The following WWOX variants were observed in gnomAD, a reference collection of about 807,000 sequenced individuals.
WWOX encodes WW domain containing oxidoreductase, also known as WW domain-containing oxidoreductase.
In WWOX, 69 loss-of-function variants were observed where a neutral mutation model predicts 46.2. The ratio of observed to expected loss-of-function variants is 1.49; its 90% CI spans 1.23 to 1.82. The LOEUF (loss-of-function observed/expected upper bound fraction) is 1.82, where lower values mean the gene tolerates loss of function less well. WWOX is among the 40% of genes most tolerant of loss of function. The pLI is 0.00. For missense variants in WWOX, 919 were observed against 542.6 expected (o/e 1.69, Z -6.89); for synonymous variants, 359 against 202.6 (o/e 1.77, Z -6.56).
At chr16:78,495,482 A>G (rs9931978) in intron 8 of WWOX, among the ~76,000 whole-genome samples, 137,822 of 149,044 alleles carry the variant, frequency 0.92, 64,002 homozygotes, top group Non-Finnish European at 0.97. Flanking sequence ...CAAGGTGTAG[A>G]TTTGGCTAGG....
intron 8 of WWOX, among the ~76,000 whole-genome samples, chr16:78,799,365 T>TCA (rs1350203247): frequency 6.6e-6 from 1 of 152,218 alleles, no homozygotes; most frequent in African/African-American, 2.4e-5. Context: ...CCATCTGGGT[T>TCA]AGCAAACACA....
intron 8 of WWOX, among the ~76,000 whole-genome samples, chr16:79,109,720 T>A (rs2049380453): frequency 6.6e-6 from 1 of 152,208 alleles, no homozygotes; most frequent in Non-Finnish European, 1.5e-5. Context: ...AACAACTCCT[T>A]GCTTTTTCAC....
chr16:79,013,258 C>G (rs1384861471), intron 8 of WWOX, among the ~76,000 whole-genome samples: 1 of 152,056 alleles, frequency 6.6e-6, no homozygotes, highest in Admixed American at 6.5e-5. Flanking sequence ...GAGTGAATGC[C>G]TTGCCTTTAA....
chr16:78,618,294 A>C (rs1335368968), intron 8 of WWOX, among the ~76,000 whole-genome samples: 2 of 152,224 alleles, frequency 1.3e-5, no homozygotes, highest in Non-Finnish European at 2.9e-5. Flanking sequence ...GCTGCTGTAG[A>C]AATACCACAG....
rs1426179410 is a variant in WWOX at position 78,343,055 on chromosome 16, G to C, written c.517-43805G>C. 2.5e-5 allele frequency among the ~76,000 whole-genome samples: 3 copies of C among 120,984 alleles called. 1 individual carries two copies. Among genetic ancestry groups the C allele is most frequent in the Non-Finnish European group, 5.9e-5 (3 of 50,516 alleles). 79.4% of individuals were successfully genotyped at this position (120,984 alleles called of 152,430 possible). A position where few individuals can be genotyped will look rare whatever the true frequency, so the allele number is the denominator to read the frequency against. On this transcript the variant is annotated intron_variant, in intron 5 of 8. Transcript: ENST00000566780. Reference sequence around the variant, plus strand: ...TGACGTGAACCATGGCCATCCAGTAGGCCACGCAACATTCCCACTGCCATG... The same window carrying C: ...TGACGTGAACCATGGCCATCCAGTACGCCACGCAACATTCCCACTGCCATG...
chr16:78,328,505 G>C (rs923839769), intron 5 of WWOX, among the ~76,000 whole-genome samples: 3 of 152,198 alleles, frequency 2.0e-5, no homozygotes, highest in Non-Finnish European at 4.4e-5. Flanking sequence ...GATGATAATA[G>C]AGATAATCCT....
chr16:78,583,921 C>G (rs1272232416), intron 8 of WWOX, among the ~76,000 whole-genome samples: 2 of 152,218 alleles, frequency 1.3e-5, no homozygotes, highest in Admixed American at 6.5e-5. Context: ...CCTCACAAAA[C>G]TGCTATGTGA....
chr16:78,188,018 T>TTA (rs1233414040), intron 5 of WWOX, among the ~76,000 whole-genome samples: 1 of 152,216 alleles, frequency 6.6e-6, no homozygotes, highest in Non-Finnish European at 1.5e-5. Flanking sequence ...TGTAATTCCT[T>TTA]ACTAGAGTTA....
intron 8 of WWOX, among the ~76,000 whole-genome samples, chr16:79,154,920 G>C (rs1024827246): frequency 1.3e-5 from 2 of 152,162 alleles, no homozygotes; most frequent in African/African-American, 2.4e-5. Context: ...AAAAATGAAA[G>C]AAAGAAAGAA....
intron 6 of WWOX, among the ~76,000 whole-genome samples, chr16:78,389,291 C>G (rs12930880): frequency 0.45 from 68,634 of 152,092 alleles, 19,881 homozygotes; most frequent in Non-Finnish European, 0.66. Context: ...TTTATCCACC[C>G]GTTCCTTCAC....
intron 8 of WWOX, among the ~76,000 whole-genome samples, chr16:78,921,176 A>C (rs1474392850): frequency 6.6e-6 from 1 of 152,084 alleles, no homozygotes; most frequent in African/African-American, 2.4e-5. Flanking sequence ...TTTTTCAAAC[A>C]CTGTAATGAG....
chr16:78,438,031 G>C (rs1364616963), intron 8 of WWOX, among the ~76,000 whole-genome samples: 1 of 152,096 alleles, frequency 6.6e-6, no homozygotes, highest in African/African-American at 2.4e-5. Flanking sequence ...GTGCACATAA[G>C]GGATTTTCAA....
intron 8 of WWOX, among the ~76,000 whole-genome samples, chr16:78,542,990 G>T (rs2043934632): frequency 1.3e-5 from 2 of 152,164 alleles, no homozygotes; most frequent in African/African-American, 4.8e-5. Context: ...TTCCTTTCAT[G>T]GTCTACCTGT....
chr16:78,431,337 C>G (rs1395394713), intron 7 of WWOX, among the ~76,000 whole-genome samples: 1 of 152,174 alleles, frequency 6.6e-6, no homozygotes, highest in Non-Finnish European at 1.5e-5. Flanking sequence ...GATGGTACCT[C>G]ACCAAGGTTA....
At chr16:79,025,121 T>TTTGTC in intron 8 of WWOX, among the ~76,000 whole-genome samples, 2 of 87,318 alleles carry the variant, frequency 2.3e-5, no homozygotes, top group Middle Eastern at 4.5e-3. Flanking sequence ...GTGGGCTTGT[T>TTTGTC]TTGTTTTGTT....
At chr16:78,706,170 C>T (rs796809535) in intron 8 of WWOX, among the ~76,000 whole-genome samples, 2 of 150,562 alleles carry the variant, frequency 1.3e-5, no homozygotes. Flanking sequence ...TTATCAAGCC[C>T]CCTATTTAAT....
At chr16:78,134,050 T>G (rs887486637) in intron 4 of WWOX, among the ~76,000 whole-genome samples, 1 of 152,226 alleles carries the variant, frequency 6.6e-6, no homozygotes, top group African/African-American at 2.4e-5. Flanking sequence ...TTTTGTATGG[T>G]ACGGCTCTAT....
At chr16:78,959,622 G>A (rs560774036) in intron 8 of WWOX, among the ~76,000 whole-genome samples, 11 of 152,256 alleles carry the variant, frequency 7.2e-5, no homozygotes, top group African/African-American at 2.6e-4. Flanking sequence ...GTGATAGGAA[G>A]GCCAGTGTCT....
intron 8 of WWOX, among the ~76,000 whole-genome samples, chr16:79,121,830 A>G (rs2049638456): frequency 6.6e-6 from 1 of 152,168 alleles, no homozygotes; most frequent in African/African-American, 2.4e-5. Context: ...TAAATAAACC[A>G]AACATTGGGA....
Sources: gnomAD v4.1 joint callset for allele counts (sites outside exome capture counted in the v4.1 genomes callset) on GRCh38, gnomAD v4.1.1 for gene constraint, MANE v1.5 for transcripts, NCBI Gene and HGNC (gene_info 2026-07-23, HGNC 2026-07-21) for gene names.